The following NCOR1 variants were observed in gnomAD, a reference collection of about 807,000 sequenced individuals.
NCOR1 encodes the protein protein phosphatase 1, regulatory subunit 109.
In NCOR1, 63 loss-of-function variants were observed where a neutral mutation model predicts 288.1. The observed-to-expected ratio is 0.22, with a 90% CI of 0.18 to 0.27. The LOEUF is 0.27. Among genes scored for constraint, NCOR1 ranks in the 10% least tolerant of loss-of-function variants. The pLI, the probability that NCOR1 is intolerant of heterozygous loss-of-function variation, is 1.00. For synonymous variants in NCOR1, 1,007 were observed against 1,065.9 expected, an observed-to-expected ratio of 0.94 and a Z score of 1.08; for missense variants, 2,397 against 3,019.2, an observed-to-expected ratio of 0.79 and a Z score of 4.83.
chr17:16,086,346 G>T lies in NCOR1; in HGVS notation c.3113C>A (p.Pro1038Gln). The change falls in exon 23 of 46, where the codon CCG becomes CAG. Residue 1038 changes from proline to glutamine, a missense_variant. Transcript: ENST00000268712. ...TGAAGCCACTGTGGTTTTGGATGAC[G>T]GGATGAGAGGGGGCGGTGGCCTGGT... ...RPTRPPPPLI[P>Q]SSKTTVASEK... is the part of the protein sequence containing the mutation. 6.2e-7 allele frequency: 1 copy of T among 1,614,122 alleles called. No individual in the cohort carries two copies. The highest frequency in any genetic ancestry group is 8.5e-7 in the Non-Finnish European group (1 of 1,179,980).
At chr17:16,141,800 T>C (rs1479844027) in intron 11 of NCOR1, among the ~76,000 whole-genome samples, 7 of 152,184 alleles carry the variant, frequency 4.6e-5, no homozygotes, top group South Asian at 2.1e-4. Context: ...GTTGAAAGAA[T>C]AGACTTGATT....
At chr17:16,133,598 T>C (rs556651405) in intron 14 of NCOR1, among the ~76,000 whole-genome samples, 1 of 152,226 alleles carries the variant, frequency 6.6e-6, no homozygotes, top group Non-Finnish European at 1.5e-5. Context: ...TAAAAAGAAG[T>C]ATTCTAACCT....
chr17:16,111,855 TAC>T (rs2070289560), intron 18 of NCOR1, among the ~76,000 whole-genome samples: 1 of 150,890 alleles, frequency 6.6e-6, no homozygotes, highest in Admixed American at 6.6e-5. Context: ...TAATATAACA[TAC>T]ATTTATTTAT....
rs556386340 is a variant in NCOR1, at chr17:16,174,565, T to C, written c.243-2570A>G. On this transcript the variant is annotated intron_variant, in intron 3 of 45. Coordinates refer to ENST00000268712, the MANE Select transcript of NCOR1 (RefSeq NM_006311.4). Reference sequence around the variant, plus strand: ...AACTCAGAAAACAATGAGTATGGAATGCTCTTTTTCTATCTAGAAATCAGA... The same window carrying C: ...AACTCAGAAAACAATGAGTATGGAACGCTCTTTTTCTATCTAGAAATCAGA... Among the ~76,000 whole-genome samples, 8 of 152,306 alleles carry C rather than the reference T, an allele frequency of 5.3e-5. No homozygotes were observed. In the East Asian group the frequency reaches 7.7e-4, roughly 15 times the overall value.
intron 19 of NCOR1, among the ~76,000 whole-genome samples, chr17:16,107,165 G>A (rs1290165756): frequency 4.0e-5 from 6 of 151,886 alleles, no homozygotes; most frequent in African/African-American, 1.5e-4. Context: ...CAAGTGTTGG[G>A]GTTACAGGCA....
chr17:16,195,085 A>G (rs1409562676), intron 1 of NCOR1, among the ~76,000 whole-genome samples: 3 of 152,238 alleles, frequency 2.0e-5, no homozygotes, highest in Non-Finnish European at 4.4e-5. Context: ...AGCAAGGATG[A>G]TAAAATACTA....
At chr17:16,133,598 T>G (rs556651405) in intron 14 of NCOR1, among the ~76,000 whole-genome samples, 3 of 152,344 alleles carry the variant, frequency 2.0e-5, no homozygotes, top group African/African-American at 7.2e-5. Flanking sequence ...TAAAAAGAAG[T>G]ATTCTAACCT....
At position 16,215,469 on chromosome 17, in the gene NCOR1, A is replaced by C. The variant is rs963391957; in HGVS notation, c.-178T>G. ...GACCTCGTTCGGCGCGGCGAGTCGG[A>C]CGCTCACTCCAGCCGCCGCCGCCGC... is the stretch of plus-strand genomic sequence containing the variant. On this transcript the variant is annotated 5_prime_UTR_variant, in exon 1 of 46. Coordinates refer to ENST00000268712, the MANE Select transcript of NCOR1 (RefSeq NM_006311.4). 2.0e-5 allele frequency: 8 copies of C among 397,784 alleles called. No individual in the cohort carries two copies. The highest frequency in any genetic ancestry group is 8.8e-5 in the Admixed American group (2 of 22,682). 24.6% of individuals were successfully genotyped at this position (397,784 alleles called of 1,614,324 possible).
At chr17:16,190,436 G>A (rs2087925217) in intron 2 of NCOR1, among the ~76,000 whole-genome samples, 2 of 151,544 alleles carry the variant, frequency 1.3e-5, no homozygotes, top group African/African-American at 4.9e-5. Context: ...CCGGGTTCAC[G>A]CCATTCTCCT....
intron 26 of NCOR1, 37 bp from the exon 27 acceptor site, chr17:16,075,739 C>G (rs144892815): frequency 6.4e-5 from 103 of 1,610,052 alleles, no homozygotes; most frequent in Non-Finnish European, 8.6e-5. Context: ...AGAGGAGTCA[C>G]TCGAGTTTAG....
At chr17:16,045,601 C>G (rs2152186513) in intron 42 of NCOR1, among the ~76,000 whole-genome samples, 1 of 152,186 alleles carries the variant, frequency 6.6e-6, no homozygotes, top group South Asian at 2.1e-4. Context: ...CTCTGCCTCC[C>G]AGGTTCAAAT....
chr17:16,119,353 A>G (rs1428895323), intron 17 of NCOR1, 70 bp downstream of exon 17: 1 of 1,097,868 alleles, frequency 9.1e-7, no homozygotes, highest in African/African-American at 1.6e-5. Flanking sequence ...AATTAGTTCC[A>G]TCTCACTCAT....
intron 15 of NCOR1, 59 bp from the exon 16 acceptor site, chr17:16,121,328 G>A (rs768242561): frequency 7.1e-7 from 1 of 1,403,710 alleles, no homozygotes; most frequent in East Asian, 2.4e-5. Context: ...CATCGAAGAA[G>A]GTTTTAGTTT....
chr17:16,172,962 A>C (rs1212700741), intron 3 of NCOR1, among the ~76,000 whole-genome samples: 2 of 152,040 alleles, frequency 1.3e-5, no homozygotes, highest in African/African-American at 4.8e-5. Context: ...TTGTTTGTTT[A>C]TTTCTTTTTT....
intron 14 of NCOR1, among the ~76,000 whole-genome samples, chr17:16,136,290 A>T (rs1221795759): frequency 6.6e-6 from 1 of 152,128 alleles, no homozygotes; most frequent in Non-Finnish European, 1.5e-5. Flanking sequence ...GGCTCAAGCC[A>T]TCCTCCCACC....
intron 23 of NCOR1, 35 bp from the exon 24 acceptor site, chr17:16,080,762 G>A: frequency 6.3e-7 from 1 of 1,574,810 alleles, no homozygotes; most frequent in Non-Finnish European, 8.6e-7. Context: ...TAAAGATTAA[G>A]CAAACATTGT....
At chr17:16,102,691 T>C (rs769371328) in intron 19 of NCOR1, among the ~76,000 whole-genome samples, 13 of 152,152 alleles carry the variant, frequency 8.5e-5, no homozygotes, top group Non-Finnish European at 1.5e-4. Context: ...CCTCCCAGGT[T>C]CCAGCGATTC....
intron 8 of NCOR1, chr17:16,151,631 A>G: frequency 7.3e-7 from 1 of 1,373,578 alleles, no homozygotes; most frequent in Non-Finnish European, 9.7e-7. Flanking sequence ...AAAAAAGACA[A>G]AACAGGAGGC....
At chr17:16,188,779 C>A (rs750832842) in intron 2 of NCOR1, among the ~76,000 whole-genome samples, 1 of 152,036 alleles carries the variant, frequency 6.6e-6, no homozygotes, top group Non-Finnish European at 1.5e-5. Context: ...AATCCCAGCA[C>A]TTTGGGAGGC....
Sources: gnomAD v4.1 joint callset for allele counts (sites outside exome capture counted in the v4.1 genomes callset) on GRCh38, gnomAD v4.1.1 for gene constraint, MANE v1.5 for transcripts, NCBI Gene and HGNC (gene_info 2026-07-23, HGNC 2026-07-21) for gene names.